PRKN: variants seen among roughly 807,000 people sequenced by gnomAD.
PRKN encodes the protein parkin RBR E3 ubiquitin protein ligase.
In PRKN, 56 loss-of-function variants were observed where a neutral mutation model predicts 59.5. The ratio of observed to expected loss-of-function variants is 0.94; its 90% confidence interval spans 0.76 to 1.18. The LOEUF (loss-of-function observed/expected upper bound fraction) is 1.18. Among genes scored for constraint, PRKN ranks in the 50% most tolerant of loss-of-function variants. PRKN has a pLI of 0.00. For missense variants in PRKN, 657 were observed against 596.4 expected (o/e 1.10, Z -1.06); for synonymous variants, 250 against 222.1 (o/e 1.13, Z -1.12).
At chr6:161,754,426 T>G (rs928189711) in intron 7 of PRKN, among the ~76,000 whole-genome samples, 4 of 151,726 alleles carry the variant, frequency 2.6e-5, no homozygotes, top group African/African-American at 7.3e-5. Flanking sequence ...TCCAGGGAAG[T>G]GCACGGGCCA....
intron 7 of PRKN, among the ~76,000 whole-genome samples, chr6:161,655,020 G>T (rs1224685747): frequency 6.6e-6 from 1 of 152,102 alleles, no homozygotes; most frequent in Non-Finnish European, 1.5e-5. Context: ...GCCAGACGAG[G>T]TGTCAGCATG....
At chr6:162,123,089 T>TA (rs1351858401) in intron 4 of PRKN, among the ~76,000 whole-genome samples, 4 of 151,828 alleles carry the variant, frequency 2.6e-5, no homozygotes, top group Admixed American at 2.0e-4. Context: ...AAACGGGGGA[T>TA]ACTATGTTGC....
At chr6:162,659,413 T>C (rs1223072841) in intron 1 of PRKN, among the ~76,000 whole-genome samples, 1 of 152,118 alleles carries the variant, frequency 6.6e-6, no homozygotes, top group Non-Finnish European at 1.5e-5. Context: ...AAAGTTAACA[T>C]AAGTAATGTA....
At chr6:161,697,817 T>C (rs1047228489) in intron 7 of PRKN, among the ~76,000 whole-genome samples, 1 of 152,210 alleles carries the variant, frequency 6.6e-6, no homozygotes, top group Admixed American at 6.5e-5. Context: ...CCTGGCATTT[T>C]CTAATTGTGG....
At chr6:161,971,228 A>G (rs1040844971) in intron 6 of PRKN, among the ~76,000 whole-genome samples, 1 of 152,220 alleles carries the variant, frequency 6.6e-6, no homozygotes, top group African/African-American at 2.4e-5. Flanking sequence ...ATTCTCTTCG[A>G]AAGATGTTGC....
chr6:162,008,589 CT>C (rs1384746068), intron 5 of PRKN, among the ~76,000 whole-genome samples: 1 of 152,084 alleles, frequency 6.6e-6, no homozygotes, highest in Non-Finnish European at 1.5e-5. Flanking sequence ...CCAGGAGAAT[CT>C]GGAAAAGCTA....
At chr6:161,741,411 C>T (rs1788178361) in intron 7 of PRKN, among the ~76,000 whole-genome samples, 1 of 152,160 alleles carries the variant, frequency 6.6e-6, no homozygotes, top group South Asian at 2.1e-4. Flanking sequence ...GGAGTTGACA[C>T]CAAGGCCGAA....
intron 1 of PRKN, chr6:162,643,850 C>T (rs966154787): frequency 5.3e-5 from 8 of 152,084 alleles, no homozygotes; most frequent in Non-Finnish European, 8.8e-5. Context: ...CATTTTACTT[C>T]GTGTAGTAAT....
At chr6:162,474,845 G>T (rs558584019) in intron 1 of PRKN, among the ~76,000 whole-genome samples, 68 of 152,222 alleles carry the variant, frequency 4.5e-4, no homozygotes, top group South Asian at 1.0e-3. Flanking sequence ...AGGCTTTGGG[G>T]TATAGGCAGG....
intron 2 of PRKN, among the ~76,000 whole-genome samples, chr6:162,295,547 T>A (rs371169680): frequency 6.6e-6 from 1 of 152,254 alleles, no homozygotes; most frequent in East Asian, 1.9e-4. Flanking sequence ...ACTTTAGATC[T>A]CCTATTAGGA....
rs114197226 is a variant in PRKN, at chr6:161,957,897, G to A, written c.734+15405C>T. ...GCAGGTCAAGGCTTTCATTAACTAC[G>A]CGGATCAATTTAACCATCTCTCTTG... On this transcript the variant is annotated intron_variant, in intron 6 of 11. Coordinates refer to ENST00000366898, the MANE Select transcript of PRKN (RefSeq NM_004562.3). 4.7e-3 allele frequency among the ~76,000 whole-genome samples: 712 copies of A among 152,232 alleles called. 9 individuals carry two copies. Among genetic ancestry groups the A allele is most frequent in the African/African-American group, 0.017 (693 of 41,556 alleles).
intron 4 of PRKN, among the ~76,000 whole-genome samples, chr6:162,121,959 G>T (rs1053056027): frequency 6.6e-6 from 1 of 152,188 alleles, no homozygotes; most frequent in African/African-American, 2.4e-5. Context: ...ATTATTTGGT[G>T]ATCATTAGGG....
At chr6:161,751,140 G>A (rs1788676015) in intron 7 of PRKN, among the ~76,000 whole-genome samples, 1 of 152,116 alleles carries the variant, frequency 6.6e-6, no homozygotes, top group Non-Finnish European at 1.5e-5. Flanking sequence ...AACAAACAAT[G>A]TAAAACATGT....
Position 161,447,783 on chromosome 6 carries a change from G to A in PRKN, c.1084-60906C>T, listed in dbSNP as rs371887470. On this transcript the variant is annotated intron_variant, in intron 9 of 11. Coordinates refer to ENST00000366898, the MANE Select transcript of PRKN (RefSeq NM_004562.3). The surrounding 1 kb of genome is among the most constrained non-coding windows in gnomAD (Gnocchi z 4.1). ...GCTGGGATTACAGGTATGAGCCACC[G>A]TGGCTGGCCTCCTTTTTCTTTTAAA... 3.9e-5 allele frequency among the ~76,000 whole-genome samples: 6 copies of A among 152,282 alleles called. No homozygotes were observed. The highest frequency in any genetic ancestry group is 3.9e-4 in the East Asian group (2 of 5,180).
rs552411017 is a variant in PRKN, at chr6:161,553,648, A to G, written c.934-4645T>C. ...TTCATTTATTAGTTAGAATACTTCT[A>G]TTTTTTGGTTATCCAGTGGTATTGT... is the stretch of plus-strand genomic sequence containing the variant. On this transcript the variant is annotated intron_variant, in intron 8 of 11. Transcript: ENST00000366898. Among the ~76,000 whole-genome samples the G allele has an allele frequency of 2.0e-5, 3 of 152,306 alleles. No individual in the cohort carries two copies. In the East Asian group the frequency reaches 5.8e-4, roughly 29 times the overall value.
chr6:161,468,756 A>T lies in PRKN; in HGVS notation c.1083+80098T>A, dbSNP rs959177689. Among the ~76,000 whole-genome samples, 3 of 152,122 alleles carry T rather than the reference A, an allele frequency of 2.0e-5. No homozygotes were observed. Among genetic ancestry groups the T allele is most frequent in the African/African-American group, 7.2e-5 (3 of 41,430 alleles). ...CAGAGGACTTGGGTATGTTCTTCTCAAGGACAGGAAAGTCATGCACAGTGT... is the reference window on the plus strand; with the variant it reads ...CAGAGGACTTGGGTATGTTCTTCTCTAGGACAGGAAAGTCATGCACAGTGT... On this transcript the variant is annotated intron_variant, in intron 9 of 11. Transcript: ENST00000366898. This position sits in a 1 kb window ranked among gnomAD's most constrained non-coding sequence, Gnocchi z 5.9.
At chr6:162,358,930 G>A (rs1372486992) in intron 2 of PRKN, among the ~76,000 whole-genome samples, 1 of 150,972 alleles carries the variant, frequency 6.6e-6, no homozygotes, top group Non-Finnish European at 1.5e-5. Context: ...TGTGGTGGCG[G>A]CTGCCTGCAA....
At chr6:162,499,877 C>T (rs1583676276) in intron 1 of PRKN, among the ~76,000 whole-genome samples, 1 of 152,142 alleles carries the variant, frequency 6.6e-6, no homozygotes, top group Non-Finnish European at 1.5e-5. Flanking sequence ...AATATATCAT[C>T]TTTTCTAGGT....
chr6:162,132,925 G>A (rs1437352448), intron 4 of PRKN, among the ~76,000 whole-genome samples: 2 of 152,304 alleles, frequency 1.3e-5, no homozygotes, highest in East Asian at 3.9e-4. Flanking sequence ...TCCTGATGCA[G>A]GAGCTCAGTA....
Sources: allele counts gnomAD v4.1 joint callset (sites outside exome capture counted in the v4.1 genomes callset), GRCh38; gene constraint gnomAD v4.1.1; non-coding constraint Gnocchi (gnomAD v3.1); transcripts MANE v1.5; gene names NCBI Gene and HGNC (gene_info 2026-07-23, HGNC 2026-07-21).